IL17RE: variants seen among roughly 807,000 people sequenced by gnomAD.
IL17RE encodes the protein interleukin-17 receptor E.
IL17RE carries 47 observed loss-of-function variants against 70.7 expected under a neutral mutation model. That is an observed-to-expected ratio of 0.67 (90% CI 0.53 to 0.85). IL17RE has a LOEUF of 0.85. Among genes scored for constraint, IL17RE ranks in the 40% least tolerant of loss-of-function variants. The probability of loss-of-function intolerance (pLI) is 0.00; values close to 1 mark genes in which losing one functional copy is unlikely to be tolerated. For missense variants in IL17RE, 850 were observed against 893.9 expected, an observed-to-expected ratio of 0.95 and a Z score of 0.63; for synonymous variants, 372 against 381.2, an observed-to-expected ratio of 0.98 and a Z score of 0.28.
chr3:9,906,626 T>C (rs2082763927), intron 4 of IL17RE, 80 bp from the exon 5 acceptor site: 1 of 1,552,576 alleles, frequency 6.4e-7, no homozygotes. Context: ...TTGCCTGTAG[T>C]ACCTCAGGTT....
At position 9,906,375 on chromosome 3, in the gene IL17RE, G is replaced by A. The variant is rs59269999; in HGVS notation, c.280G>A (p.Gly94Ser). 2.6e-3 allele frequency: 4,251 copies of A among 1,613,200 alleles called. 106 individuals are homozygous for A. In the African/African-American group the frequency reaches 0.045, roughly 17 times the overall value. Reference sequence around the variant, plus strand: ...TCTCCCCTGCACAGGTCTTCAACGGGGCCTCTTCCACCTCCTGGTGCAGAA... The same window carrying A: ...TCTCCCCTGCACAGGTCTTCAACGGAGCCTCTTCCACCTCCTGGTGCAGAA... ...LLSGGSGLQRGLFHLLVQKSK... is the reference protein window; with the variant it reads ...LLSGGSGLQRSLFHLLVQKSK... Residue 94 changes from glycine (G) to serine (S), a missense_variant, in exon 4 of 16, where the codon GGC becomes AGC. Physicochemically the swap from Gly to Ser is moderately conservative, Grantham distance 56. Transcript: ENST00000383814.
At chr3:9,904,267 G>C (rs1203591522) in intron 3 of IL17RE, 116 bp downstream of exon 3, 7 of 1,199,560 alleles carry the variant, frequency 5.8e-6, no homozygotes, top group African/African-American at 1.5e-5. Flanking sequence ...AACCTCAACT[G>C]GGACTTGGAT....
rs1383573715 is a variant in IL17RE, at chr3:9,910,893, C to T, written c.831C>T (p.His277=). The part of the protein sequence containing the change: ...AYGSDFWKSV[H]FTDYSQHTQM... ...GCTCGGACTTCTGGAAGTCAGTGCA[C>T]TTCACTGACTACAGCCAGCACACTC... Residue 277 remains histidine, a synonymous_variant, in exon 9 of 16, where the codon CAC becomes CAT. Coordinates refer to ENST00000383814, the MANE Select transcript of IL17RE (RefSeq NM_153480.2). The T allele has an allele frequency of 1.2e-6, 2 of 1,614,122 alleles. No homozygotes were observed. The highest frequency in any genetic ancestry group is 3.3e-5 in the Admixed American group (2 of 60,018).
In IL17RE at chr3:9,914,734, A is replaced by G; in HGVS notation, c.1404A>G (p.Leu468=). The change falls in exon 15 of 16, where the codon CTA becomes CTG. Residue 468 remains leucine (L), a synonymous_variant. Transcript: ENST00000383814. ...TGGCACTGCTGGCCCTCCTCACCCT[A>G]CTGGGTGTTGTTCTGGCCCTCACCT... ...LILALLALLT[L]LGVVLALTCR... The G allele has an allele frequency of 6.2e-7, 1 of 1,613,956 alleles. No individual in the cohort carries two copies. Among genetic ancestry groups the G allele is most frequent in the Non-Finnish European group, 8.5e-7 (1 of 1,179,984 alleles).
chr3:9,911,118 C>T lies in IL17RE; in HGVS notation c.979-9C>T. On this transcript the variant is annotated splice_polypyrimidine_tract_variant and intron_variant, in intron 9 of 15. Coordinates refer to ENST00000383814, the MANE Select transcript of IL17RE (RefSeq NM_153480.2). Reference sequence around the variant, plus strand: ...TTTCTCCCTGATGAACTCTCCTCTCCTCCCACAGTGGTATGTTTTGGAGAA... The same window carrying T: ...TTTCTCCCTGATGAACTCTCCTCTCTTCCCACAGTGGTATGTTTTGGAGAA... 1 of 1,614,184 alleles carries T rather than the reference C, an allele frequency of 6.2e-7. No individual in the cohort carries two copies. Among genetic ancestry groups the T allele is most frequent in the Non-Finnish European group, 8.5e-7 (1 of 1,180,004 alleles).
Position 9,915,720 on chromosome 3 carries a change from C to T in IL17RE, c.1917C>T (p.Arg639=). 3 of 1,432,614 alleles carry T rather than the reference C, an allele frequency of 2.1e-6. No individual in the cohort carries two copies. The South Asian group carries it at 4.4e-5, about 21-fold the overall frequency. 88.7% of individuals were successfully genotyped at this position (1,432,614 alleles called of 1,614,324 possible). The change falls in exon 16 of 16, where the codon CGC becomes CGT. Residue 639 remains arginine, a synonymous_variant. Coordinates refer to ENST00000383814, the MANE Select transcript of IL17RE (RefSeq NM_153480.2). This position sits in a 1 kb window ranked among gnomAD's most constrained non-coding sequence, Gnocchi z 4.9. ...RPFAEATSWG[R]LGARQRRQSR... is the part of the protein sequence containing the mutation. ...TCGCAGAGGCCACCAGCTGGGGCCG[C>T]CTTGGGGCGCGGCAGCGCAGGCAGA...
rs2083033613 is a variant in IL17RE, at chr3:9,915,651, G to A, written c.1848G>A (p.Leu616=). The change falls in exon 16 of 16, where the codon CTG becomes CTA. Residue 616 remains leucine, a synonymous_variant. Transcript: ENST00000383814. The surrounding 1 kb of genome is among the most constrained non-coding windows in gnomAD (Gnocchi z 4.9). ...GCGCCCTGCCGCGCTACCGCCTGCT[G>A]CGCGACCTGCCGCGTCTGCTGCGGG... ...PLRALPRYRL[L]RDLPRLLRAL... 1.4e-6 allele frequency: 2 copies of A among 1,407,684 alleles called. No homozygotes were observed. The highest frequency in any genetic ancestry group is 6.1e-5 in the East Asian group (2 of 32,614). The allele number at this position is 1,407,684 out of a possible 1,614,324, so 87.2% of individuals were successfully genotyped here. A position where few individuals can be genotyped will look rare whatever the true frequency, so the allele number is the denominator to read the frequency against.
chr3:9,908,402 T>TA (rs996712993), intron 7 of IL17RE, 95 bp downstream of exon 7: 2 of 1,050,536 alleles, frequency 1.9e-6, no homozygotes, highest in African/African-American at 3.1e-5. Context: ...AAATTGGGTT[T>TA]AAAAAGACTG....
chr3:9,911,506 C>G lies in IL17RE; in HGVS notation c.1136C>G (p.Ser379Cys), dbSNP rs148568377. 55 of 1,614,026 alleles carry G rather than the reference C, an allele frequency of 3.4e-5. No homozygotes were observed. Among genetic ancestry groups the G allele is most frequent in the Middle Eastern group, 1.6e-4 (1 of 6,084 alleles). Residue 379 changes from serine to cysteine, a missense_variant, in exon 12 of 16, where the codon TCC becomes TGC. Physicochemically the swap from Ser to Cys is moderately radical, Grantham distance 112. Coordinates refer to ENST00000383814, the MANE Select transcript of IL17RE (RefSeq NM_153480.2). Reference protein sequence around the residue: ...TQAQQLILHFSSRMHATFSAA... With the variant: ...TQAQQLILHFCSRMHATFSAA... ...GCCCAGCAGCTGATTCTTCACTTCT[C>G]CTCAAGAATGCATGCCACCTTCAGT... is the stretch of plus-strand genomic sequence containing the variant.
chr3:9,916,326 G>A lies in IL17RE; in HGVS notation c.*519G>A, dbSNP rs1041962856. 6.7e-6 allele frequency: 1 copy of A among 150,152 alleles called. No individual in the cohort carries two copies. The highest frequency in any genetic ancestry group is 1.5e-5 in the Non-Finnish European group (1 of 67,640). The allele number at this position is 150,152 out of a possible 1,614,324, so 9.3% of individuals were successfully genotyped here. ...GTGGTCAGGACAGTGGGGGTTGGGGGTGGGGTGGGTGGGTGCTGGCGGTGG... is the reference window on the plus strand; with the variant it reads ...GTGGTCAGGACAGTGGGGGTTGGGGATGGGGTGGGTGGGTGCTGGCGGTGG... On this transcript the variant is annotated 3_prime_UTR_variant, in exon 16 of 16. Coordinates refer to ENST00000383814, the MANE Select transcript of IL17RE (RefSeq NM_153480.2).
intron 12 of IL17RE, among the ~76,000 whole-genome samples, chr3:9,912,273 T>G (rs2082911952): frequency 6.6e-6 from 1 of 152,028 alleles, no homozygotes; most frequent in African/African-American, 2.4e-5. Flanking sequence ...GTGTAAAAAT[T>G]TTCTTCCATG....
intron 8 of IL17RE, chr3:9,909,573 A>C (rs996289317): frequency 5.1e-6 from 2 of 395,444 alleles, no homozygotes; most frequent in Non-Finnish European, 4.5e-6. Flanking sequence ...GGGCCAGAAG[A>C]CCCAGTTCCC....
intron 3 of IL17RE, among the ~76,000 whole-genome samples, chr3:9,904,404 A>G (rs756133505): frequency 2.9e-4 from 44 of 152,224 alleles, no homozygotes; most frequent in Non-Finnish European, 5.7e-4. Flanking sequence ...ATCTATTTGT[A>G]GAGCAGGATC....
At chr3:9,914,405 A>T in intron 13 of IL17RE, 143 bp from the exon 14 acceptor site, 1 of 1,512,650 alleles carries the variant, frequency 6.6e-7, no homozygotes, top group Admixed American at 2.3e-5. Flanking sequence ...GTGCCAGGCT[A>T]GCAGCTGGAG....
intron 2 of IL17RE, 110 bp from the exon 3 acceptor site, chr3:9,903,922 C>T: frequency 7.3e-7 from 1 of 1,377,768 alleles, no homozygotes; most frequent in Middle Eastern, 1.8e-4. Context: ...CTGTAACCCC[C>T]AAAGTCATAC....
chr3:9,914,262 A>G (rs2082959230), intron 13 of IL17RE: 1 of 724,624 alleles, frequency 1.4e-6, no homozygotes, highest in Non-Finnish European at 2.2e-6. Context: ...AATGGCCTGG[A>G]GCTCAGTGCC....
rs1381488794 is a variant in IL17RE at position 9,911,017 on chromosome 3, G to T, written c.955G>T (p.Ala319Ser). The change falls in exon 9 of 16, where the codon GCC (alanine) becomes TCC (serine). Residue 319 changes from alanine (A) to serine (S), a missense_variant. Transcript: ENST00000383814. ...TACCCTTTGCAAAGACCTCCCGAAT[G>T]CCACAGCTCGAGAGTCAGATGGGGT... ...WHTLCKDLPN[A>S]TARESDGWYV... 3.1e-6 allele frequency: 5 copies of T among 1,614,166 alleles called. No homozygotes were observed. In the East Asian group the frequency reaches 1.1e-4, roughly 36 times the overall value.
chr3:9,902,873 C>G lies in IL17RE; in HGVS notation c.-60C>G, dbSNP rs752257213. The G allele has an allele frequency of 6.2e-7, 1 of 1,613,702 alleles. No individual in the cohort carries two copies. Among genetic ancestry groups the G allele is most frequent in the South Asian group, 1.1e-5 (1 of 91,034 alleles). Reference sequence around the variant, plus strand: ...GTGTTCGCTGCTGCACAGCAAGGCCCTGCCACCCACCTTCAGGCCATGCAG... The same window carrying G: ...GTGTTCGCTGCTGCACAGCAAGGCCGTGCCACCCACCTTCAGGCCATGCAG... On this transcript the variant is annotated 5_prime_UTR_variant, in exon 1 of 16. Coordinates refer to ENST00000383814, the MANE Select transcript of IL17RE (RefSeq NM_153480.2).
chr3:9,912,314 G>A lies in IL17RE; in HGVS notation c.1227+717G>A, dbSNP rs1212398037. Among the ~76,000 whole-genome samples the A allele has an allele frequency of 3.3e-5, 5 of 152,082 alleles. No homozygotes were observed. In the East Asian group the frequency reaches 9.6e-4, roughly 29 times the overall value. On this transcript the variant is annotated intron_variant, in intron 12 of 15. Transcript: ENST00000383814. ...AGTCCCTGGTGCCAAAAAGGTCGGG[G>A]ACCACTGCTCTAGCCTAACAGAACA...
Sources: allele counts gnomAD v4.1 joint callset (sites outside exome capture counted in the v4.1 genomes callset), GRCh38; gene constraint gnomAD v4.1.1; non-coding constraint Gnocchi (gnomAD v3.1); transcripts MANE v1.5; gene names NCBI Gene and HGNC (gene_info 2026-07-23, HGNC 2026-07-21).